Variants in PPL observed in about 807,000 individuals in gnomAD.
PPL encodes 190 kDa paraneoplastic pemphigus antigen.
In PPL, 198 loss-of-function variants were observed where a neutral mutation model predicts 194.4. That is an observed-to-expected ratio of 1.02 (90% CI 0.91 to 1.15). PPL has a LOEUF of 1.15. PPL is among the 50% of genes most tolerant of loss of function. The pLI is 0.00. For missense variants in PPL, 2,885 were observed against 2,294.8 expected, an observed-to-expected ratio of 1.26 and a Z score of -5.25; for synonymous variants, 1,220 against 972.4, an observed-to-expected ratio of 1.25 and a Z score of -4.74.
chr16:4,897,333 A>AC (rs2088450936), intron 9 of PPL, among the ~76,000 whole-genome samples: 1 of 50,996 alleles, frequency 2.0e-5, no homozygotes, highest in Non-Finnish European at 3.6e-5. Flanking sequence ...AGACTCTCTC[A>AC]AAAAAAAAAA....
chr16:4,884,941 G>A lies in PPL; in HGVS notation c.3714C>T (p.Tyr1238=), dbSNP rs755434543. 3 of 1,614,112 alleles carry A rather than the reference G, an allele frequency of 1.9e-6. No homozygotes were observed. The highest frequency in any genetic ancestry group is 2.5e-6 in the Non-Finnish European group (3 of 1,180,026). The change falls in exon 22 of 22, where the codon TAC becomes TAT. Residue 1238 remains tyrosine (Y), a synonymous_variant. Transcript: ENST00000345988. This position sits in a 1 kb window ranked among gnomAD's most constrained non-coding sequence, Gnocchi z 5.7. The part of the protein sequence containing the change: ...VKEVTKEVIK[Y]KTDPEMEKEL... ...CCTTCTCCATCTCAGGGTCAGTCTT[G>A]TACTTAATGACTTCCTTAGTCACCT...
chr16:4,884,484 G>T lies in PPL; in HGVS notation c.4171C>A (p.Arg1391=). The T allele has an allele frequency of 6.2e-7, 1 of 1,603,634 alleles. No homozygotes were observed. The highest frequency in any genetic ancestry group is 1.1e-5 in the South Asian group (1 of 90,560). ...AGCTCGGTGCGCCGGCGCTGCAGCCGCCGCAGCTCTGCCCGCAGCTTGTCA... is the reference window on the plus strand; with the variant it reads ...AGCTCGGTGCGCCGGCGCTGCAGCCTCCGCAGCTCTGCCCGCAGCTTGTCA... ...QIDKLRAELR[R]LQRRRTELER... Residue 1391 remains arginine, a synonymous_variant, in exon 22 of 22, where the codon CGG becomes AGG. Transcript: ENST00000345988. This position sits in a 1 kb window ranked among gnomAD's most constrained non-coding sequence, Gnocchi z 5.7.
At chr16:4,931,828 C>T (rs932123969) in intron 1 of PPL, among the ~76,000 whole-genome samples, 4 of 152,196 alleles carry the variant, frequency 2.6e-5, no homozygotes, top group Non-Finnish European at 5.9e-5. Context: ...ATGATCCGCC[C>T]GACAGTGCCT....
Position 4,884,434 on chromosome 16 carries a change from C to G in PPL, c.4221G>C (p.Glu1407Asp), listed in dbSNP as rs942076736. 57 of 1,603,066 alleles carry G rather than the reference C, an allele frequency of 3.6e-5. No homozygotes were observed. Among genetic ancestry groups the G allele is most frequent in the Non-Finnish European group, 4.7e-5 (55 of 1,177,314 alleles). The stretch of plus-strand genomic sequence containing the variant: ...CCTCCCTGCGGGCCTGCCGCTCGCG[C>G]TCTAGCTCCTCCAGCTGCCGCTCAA... ...TELERQLEELERERQARREAE... is the reference protein window; with the variant it reads ...TELERQLEELDRERQARREAE... Residue 1407 changes from glutamate to aspartate, a missense_variant, in exon 22 of 22, where the codon GAG (glutamate) becomes GAC (aspartate). Transcript: ENST00000345988. This position sits in a 1 kb window ranked among gnomAD's most constrained non-coding sequence, Gnocchi z 5.7.
intron 18 of PPL, among the ~76,000 whole-genome samples, chr16:4,889,894 G>T (rs939761512): frequency 5.9e-5 from 9 of 152,214 alleles, no homozygotes; most frequent in African/African-American, 2.2e-4. Flanking sequence ...CCACAAAGGC[G>T]GCTCCTCATT....
chr16:4,885,771 G>A lies in PPL; in HGVS notation c.2884C>T (p.His962Tyr), dbSNP rs144282072. 1.2e-6 allele frequency: 2 copies of A among 1,611,376 alleles called. No homozygotes were observed. Residue 962 changes from histidine (H) to tyrosine (Y), a missense_variant, in exon 22 of 22, where the codon CAC (histidine) becomes TAC (tyrosine). Coordinates refer to ENST00000345988, the MANE Select transcript of PPL (RefSeq NM_002705.5). The surrounding 1 kb of genome is among the most constrained non-coding windows in gnomAD (Gnocchi z 6.3). ...QLQRTLAEEQ[H>Y]KNQLLQEELE... ...TCCTCCTGCAGCAGCTGGTTCTTGT[G>A]CTGCTCCTCTGCCAGCGTCCGCTGC... is the stretch of plus-strand genomic sequence containing the variant.
intron 1 of PPL, among the ~76,000 whole-genome samples, chr16:4,933,704 G>A (rs2089254217): frequency 6.6e-6 from 1 of 152,156 alleles, no homozygotes; most frequent in South Asian, 2.1e-4. Context: ...ATGTACTGAA[G>A]CTTAACTCCA....
intron 1 of PPL, among the ~76,000 whole-genome samples, chr16:4,926,543 T>C (rs1283860267): frequency 6.6e-6 from 1 of 152,100 alleles, no homozygotes; most frequent in Admixed American, 6.5e-5. Context: ...GCTTGTAAGC[T>C]AGTAGGTAGG....
At chr16:4,904,644 G>A (rs891406675) in intron 2 of PPL, among the ~76,000 whole-genome samples, 58 of 152,194 alleles carry the variant, frequency 3.8e-4, no homozygotes, top group African/African-American at 1.3e-3. Context: ...CTGGGCCATA[G>A]TGAAAAGGTC....
chr16:4,895,909 G>C (rs909004277), intron 9 of PPL, among the ~76,000 whole-genome samples, 193 bp from the exon 10 acceptor site: 7 of 152,188 alleles, frequency 4.6e-5, no homozygotes, highest in Admixed American at 3.3e-4. Context: ...GGCTCCTTAG[G>C]GGCCTCACTG....
intron 1 of PPL, among the ~76,000 whole-genome samples, chr16:4,935,336 C>T (rs534071312): frequency 6.6e-6 from 1 of 152,262 alleles, no homozygotes; most frequent in African/African-American, 2.4e-5. Flanking sequence ...CGGGGCGAGG[C>T]CTGGCCCCAC....
At position 4,928,536 on chromosome 16, in the gene PPL, T is replaced by TG. The variant is rs1324312902; in HGVS notation, c.62+8447dup. 5.3e-5 allele frequency among the ~76,000 whole-genome samples: 8 copies of TG among 152,362 alleles called. No homozygotes were observed. In the East Asian group the frequency reaches 1.5e-3, roughly 29 times the overall value. Reference sequence around the variant, plus strand: ...GCAGGGCTGTGGGAGAAATAGAACTTGCAGAATTTTTTGCTGCCCCCACTG... The same window carrying TG: ...GCAGGGCTGTGGGAGAAATAGAACTTGGCAGAATTTTTTGCTGCCCCCACTG... On this transcript the variant is annotated intron_variant, in intron 1 of 21. Transcript: ENST00000345988.
rs755047476 is a variant in PPL, at chr16:4,894,596, C to T, written c.1265G>A (p.Ser422Asn). 9.3e-6 allele frequency: 15 copies of T among 1,613,494 alleles called. No individual in the cohort carries two copies. The highest frequency in any genetic ancestry group is 3.4e-6 in the Non-Finnish European group (4 of 1,179,922). The change falls in exon 12 of 22, where the codon AGC becomes AAC. Residue 422 changes from serine (S) to asparagine (N), a missense_variant. Coordinates refer to ENST00000345988, the MANE Select transcript of PPL (RefSeq NM_002705.5). ...CCCGTTGTTCTTCTGCAGGGTGTAG[C>T]TGTAGCCCCGCGAGATCAGGCCCTG... ...GEQGLISRGY[S>N]YTLQKNNGES...
intron 1 of PPL, among the ~76,000 whole-genome samples, chr16:4,921,463 C>T (rs948828480): frequency 7.2e-5 from 11 of 152,160 alleles, no homozygotes; most frequent in Admixed American, 3.9e-4. Context: ...AGACACAGCC[C>T]GACCTGCTTT....
In PPL at chr16:4,885,685, C is replaced by T. The variant is rs758089558; in HGVS notation, c.2970G>A (p.Gln990=). The T allele has an allele frequency of 4.5e-5, 73 of 1,613,436 alleles. No individual in the cohort carries two copies. The East Asian group carries it at 1.6e-3, about 36-fold the overall frequency. The change falls in exon 22 of 22, where the codon CAG becomes CAA. Residue 990 remains glutamine, a synonymous_variant. Coordinates refer to ENST00000345988, the MANE Select transcript of PPL (RefSeq NM_002705.5). This position sits in a 1 kb window ranked among gnomAD's most constrained non-coding sequence, Gnocchi z 6.3. ...ALEQETRDGG[Q]EYVVKEVLRI... is the part of the protein sequence containing the mutation. Reference sequence around the variant, plus strand: ...GCAGGACCTCCTTGACCACGTACTCCTGCCCCCCGTCTCTGGTCTCCTGCT... The same window carrying T: ...GCAGGACCTCCTTGACCACGTACTCTTGCCCCCCGTCTCTGGTCTCCTGCT...
Position 4,897,611 on chromosome 16 carries a change from G to A in PPL, c.972+64C>T. The A allele has an allele frequency of 6.9e-6, 9 of 1,306,294 alleles. No homozygotes were observed. In the South Asian group the frequency reaches 9.7e-5, roughly 14 times the overall value. The allele number at this position is 1,306,294 out of a possible 1,614,324, so 80.9% of individuals were successfully genotyped here. ...ACGAGGCCACACATGAGCCAGGTAGGCACTGAGCGCTCTCAGAGAGTAGCA... is the reference window on the plus strand; with the variant it reads ...ACGAGGCCACACATGAGCCAGGTAGACACTGAGCGCTCTCAGAGAGTAGCA... On this transcript the variant is annotated intron_variant, in intron 9 of 21. Coordinates refer to ENST00000345988, the MANE Select transcript of PPL (RefSeq NM_002705.5).
At chr16:4,896,375 C>T (rs1404733986) in intron 9 of PPL, among the ~76,000 whole-genome samples, 1 of 152,116 alleles carries the variant, frequency 6.6e-6, no homozygotes, top group African/African-American at 2.4e-5. Flanking sequence ...GTGGTCTAGC[C>T]ATACAATAGG....
chr16:4,912,364 G>A (rs1237617780), intron 1 of PPL, among the ~76,000 whole-genome samples: 2 of 152,230 alleles, frequency 1.3e-5, no homozygotes, highest in Non-Finnish European at 2.9e-5. Flanking sequence ...TGTGCATATT[G>A]CAGCATCTAT....
chr16:4,926,120 G>T (rs2089150211), intron 1 of PPL, among the ~76,000 whole-genome samples: 1 of 152,112 alleles, frequency 6.6e-6, no homozygotes, highest in Non-Finnish European at 1.5e-5. Flanking sequence ...CCGGAAGCAG[G>T]TTTCATCTCT....
Sources: gnomAD v4.1 joint callset for allele counts (sites outside exome capture counted in the v4.1 genomes callset) on GRCh38, gnomAD v4.1.1 for gene constraint, Gnocchi (gnomAD v3.1) non-coding constraint, MANE v1.5 for transcripts, NCBI Gene and HGNC (gene_info 2026-07-23, HGNC 2026-07-21) for gene names.